PREX1: variants seen among roughly 807,000 people sequenced by gnomAD.
PREX1 encodes the protein phosphatidylinositol-3,4,5-trisphosphate dependent Rac exchange factor 1.
In PREX1, 41 loss-of-function variants were observed where a neutral mutation model predicts 198.3. That is an observed-to-expected ratio of 0.21 (90% CI 0.16 to 0.27). The LOEUF is 0.27. Ranked by LOEUF, PREX1 falls within the 10% of genes least tolerant of loss-of-function variation. PREX1 has a pLI of 1.00. For missense variants in PREX1, 1,620 were observed against 2,200.7 expected (o/e 0.74, Z 5.28); for synonymous variants, 843 against 887.2 (o/e 0.95, Z 0.89).
At chr20:48,687,889 G>C (rs948852303) in intron 10 of PREX1, among the ~76,000 whole-genome samples, 2 of 152,168 alleles carry the variant, frequency 1.3e-5, no homozygotes, top group Admixed American at 1.3e-4. Context: ...CCCAAACAGA[G>C]AAAGTGGAGG....
rs915678772 is a variant in PREX1, at chr20:48,666,505, T to C, written c.1666-150A>G. On this transcript the variant is annotated intron_variant, in intron 14 of 39. Transcript: ENST00000371941. This position sits in a 1 kb window ranked among gnomAD's most constrained non-coding sequence, Gnocchi z 4.3. ...TTTACTGCAGTAACCCCAAAACGGG[T>C]TTGTGATTATTATTTTTTATTATTA... 1 of 509,126 alleles carries C rather than the reference T, an allele frequency of 2.0e-6. No individual in the cohort carries two copies. Among genetic ancestry groups the C allele is most frequent in the East Asian group, 3.4e-5 (1 of 29,666 alleles). The allele number at this position is 509,126 out of a possible 1,614,324, so 31.5% of individuals were successfully genotyped here. A position where few individuals can be genotyped will look rare whatever the true frequency, so the allele number is the denominator to read the frequency against.
intron 12 of PREX1, 110 bp from the exon 13 acceptor site, chr20:48,679,519 G>A: frequency 1.4e-6 from 2 of 1,386,392 alleles, no homozygotes; most frequent in South Asian, 1.2e-5. Context: ...GCAGGGTAAT[G>A]GGGGCAGGGG....
the PREX1 span, among the ~76,000 whole-genome samples, chr20:48,884,501 C>A: frequency 0.14 from 20,618 of 152,186 alleles, 1,513 homozygotes; most frequent in Non-Finnish European, 0.16. Context: ...ACATCATATG[C>A]AAACAATAAC....
chr20:48,773,423 A>C (rs190264707), intron 1 of PREX1, among the ~76,000 whole-genome samples: 2 of 152,320 alleles, frequency 1.3e-5, no homozygotes, highest in Admixed American at 6.5e-5. Flanking sequence ...ATCACCGCTA[A>C]GCATGTGATG....
chr20:48,821,499 A>G (rs1422403136), intron 1 of PREX1, among the ~76,000 whole-genome samples: 2 of 152,144 alleles, frequency 1.3e-5, no homozygotes, highest in African/African-American at 4.8e-5. Context: ...CACAGCACAC[A>G]GGTTTGAGGG....
intron 1 of PREX1, among the ~76,000 whole-genome samples, chr20:48,751,785 ACT>A (rs1200295775): frequency 2.6e-5 from 4 of 152,348 alleles, no homozygotes; most frequent in African/African-American, 9.6e-5. Flanking sequence ...TGCCTGGACC[ACT>A]TGTCCTCACA....
intron 36 of PREX1, among the ~76,000 whole-genome samples, chr20:48,630,299 G>C (rs986668642): frequency 7.2e-5 from 11 of 152,232 alleles, no homozygotes; most frequent in African/African-American, 1.7e-4. Flanking sequence ...GGGGACATGT[G>C]GCAACATGGT....
In PREX1 at chr20:48,639,797, G is replaced by A. The variant is rs16993994; in HGVS notation, c.3873C>T (p.Thr1291=). The change falls in exon 30 of 40, where the codon ACC becomes ACT. Residue 1291 remains threonine, a synonymous_variant. Coordinates refer to ENST00000371941, the MANE Select transcript of PREX1 (RefSeq NM_020820.4). The part of the protein sequence containing the change: ...DPWNLPNSIK[T]LVDNIQRYVE... The stretch of plus-strand genomic sequence containing the variant: ...CATATCTCTGAATGTTGTCCACCAG[G>A]GTCTTGATGGAGTTGGGGAGGTTCC... The A allele has an allele frequency of 4.4e-3, 7,136 of 1,614,058 alleles. 187 individuals are homozygous for A. The East Asian group carries it at 0.075, about 17-fold the overall frequency.
the PREX1 span, among the ~76,000 whole-genome samples, chr20:48,872,063 G>A: frequency 6.6e-6 from 1 of 151,822 alleles, no homozygotes; most frequent in Non-Finnish European, 1.5e-5. Context: ...GGAGGCTGAG[G>A]CAGGAGAATG....
chr20:48,875,587 C>T, the PREX1 span, among the ~76,000 whole-genome samples: 1 of 152,134 alleles, frequency 6.6e-6, no homozygotes, highest in South Asian at 2.1e-4. Flanking sequence ...TGTGATGACT[C>T]TGGAGGGGAC....
chr20:48,816,027 AG>A (rs1313348748), intron 1 of PREX1, among the ~76,000 whole-genome samples: 237 of 136,170 alleles, frequency 1.7e-3, no homozygotes, highest in African/African-American at 5.6e-3. Context: ...AAAGAAAAAA[AG>A]GAAAAAAAAA....
intron 1 of PREX1, among the ~76,000 whole-genome samples, chr20:48,826,255 G>C (rs2090508181): frequency 6.6e-6 from 1 of 152,004 alleles, no homozygotes; most frequent in African/African-American, 2.4e-5. Flanking sequence ...CAGAGAAGGG[G>C]AGTAAATGAG....
At chr20:48,662,554 G>A (rs980359523) in intron 15 of PREX1, among the ~76,000 whole-genome samples, 5 of 152,260 alleles carry the variant, frequency 3.3e-5, no homozygotes, top group Non-Finnish European at 7.4e-5. Context: ...TAAATGGCAA[G>A]CCTCAGTTTC....
At chr20:48,694,372 T>C (rs148102068) in intron 7 of PREX1, among the ~76,000 whole-genome samples, 8 of 152,268 alleles carry the variant, frequency 5.3e-5, no homozygotes, top group African/African-American at 9.6e-5. Flanking sequence ...CCAACAAGCA[T>C]GTGGAGAACG....
rs184103335 is a variant in PREX1, at chr20:48,774,885, C to T, written c.220-27005G>A. ...CATGGAAACGCACAGCCTCAGCCTG[C>T]CATGGGGCAAGGTGTTTTTCCACAG... On this transcript the variant is annotated intron_variant, in intron 1 of 39. Transcript: ENST00000371941. Among the ~76,000 whole-genome samples the T allele has an allele frequency of 3.1e-3, 472 of 152,388 alleles. 2 individuals carry two copies. Among genetic ancestry groups the T allele is most frequent in the Middle Eastern group, 6.8e-3 (2 of 294 alleles).
In PREX1 at chr20:48,671,481, A is replaced by G. The variant is rs543982888; in HGVS notation, c.1665+4712T>C. On this transcript the variant is annotated intron_variant, in intron 14 of 39. Transcript: ENST00000371941. The stretch of plus-strand genomic sequence containing the variant: ...TATGTGAGAGAAGAATATCGTATTA[A>G]TAAGTCAGGTTTCCTGTTATGTGCA... 5.3e-5 allele frequency among the ~76,000 whole-genome samples: 8 copies of G among 152,372 alleles called. 2 individuals carry two copies. Among genetic ancestry groups the G allele is most frequent in the African/African-American group, 1.9e-4 (8 of 41,588 alleles).
At chr20:48,697,586 G>A (rs1364835263) in intron 7 of PREX1, among the ~76,000 whole-genome samples, 3 of 151,972 alleles carry the variant, frequency 2.0e-5, no homozygotes, top group Non-Finnish European at 4.4e-5. Context: ...GGGTTTCACT[G>A]TGTTAGCCAG....
In PREX1 at chr20:48,644,481, G is replaced by C; in HGVS notation, c.3529C>G (p.Arg1177Gly). ...CTGGTGTAGGACAGGACCGAGTCTC[G>C]ATTGCTGTTACACTCGCTGCAAAGG... The part of the protein sequence containing the change: ...RDSYSECNSN[R>G]DSVLSYTSVR... The change falls in exon 27 of 40, where the codon CGA (arginine) becomes GGA (glycine). Residue 1177 changes from arginine (R) to glycine (G), a missense_variant. Physicochemically the swap from Arg to Gly is moderately radical, Grantham distance 125. Transcript: ENST00000371941. 6.2e-7 allele frequency: 1 copy of C among 1,613,540 alleles called. No individual in the cohort carries two copies.
At chr20:48,788,613 ACTT>A (rs1490766646) in intron 1 of PREX1, among the ~76,000 whole-genome samples, 1 of 152,046 alleles carries the variant, frequency 6.6e-6, no homozygotes, top group Non-Finnish European at 1.5e-5. Context: ...GGGCTATTAT[ACTT>A]CTTCTCTTAT....
Sources: allele counts gnomAD v4.1 joint callset (sites outside exome capture counted in the v4.1 genomes callset), GRCh38; gene constraint gnomAD v4.1.1; non-coding constraint Gnocchi (gnomAD v3.1); transcripts MANE v1.5; gene names NCBI Gene and HGNC (gene_info 2026-07-23, HGNC 2026-07-21).